Variants in ABCC9 observed in about 807,000 individuals in gnomAD.
ABCC9 encodes the protein ATP-binding cassette sub-family C member 9.
Under a neutral mutation model 188.3 loss-of-function variants are expected in ABCC9, and 95 were observed. The ratio of observed to expected loss-of-function variants is 0.50; its 90% CI spans 0.43 to 0.60. The LOEUF (loss-of-function observed/expected upper bound fraction) is 0.60. Among genes scored for constraint, ABCC9 ranks in the 20% least tolerant of loss-of-function variants. The pLI is 0.00. For synonymous variants in ABCC9, 659 were observed against 652.7 expected, an observed-to-expected ratio of 1.01 and a Z score of -0.15; for missense variants, 1,102 against 1,876.3, an observed-to-expected ratio of 0.59 and a Z score of 7.62.
intron 9 of ABCC9, among the ~76,000 whole-genome samples, 158 bp downstream of exon 9, chr12:21,910,668 G>T (rs1249066806): frequency 6.6e-6 from 1 of 151,812 alleles, no homozygotes; most frequent in Admixed American, 6.6e-5. Flanking sequence ...TTATTAATTA[G>T]CTCTGTTTCT....
At chr12:21,924,948 T>C (rs1223904961) in intron 5 of ABCC9, 1 of 152,192 alleles carries the variant, frequency 6.6e-6, no homozygotes, top group Non-Finnish European at 1.5e-5. Flanking sequence ...AATTAAATAA[T>C]CAATATCTTT....
At chr12:21,889,139 G>A (rs1947021879) in intron 14 of ABCC9, among the ~76,000 whole-genome samples, 1 of 152,150 alleles carries the variant, frequency 6.6e-6, no homozygotes, top group South Asian at 2.1e-4. Context: ...ATCTTTAAGT[G>A]TTTTGGCTTT....
intron 28 of ABCC9, among the ~76,000 whole-genome samples, chr12:21,843,513 G>A (rs1033168111): frequency 3.3e-5 from 5 of 152,144 alleles, no homozygotes; most frequent in Middle Eastern, 3.4e-3. Flanking sequence ...GTTTATTTCT[G>A]TTTTTATAGG....
intron 5 of ABCC9, chr12:21,924,417 C>T (rs913081279): frequency 1.3e-5 from 2 of 152,152 alleles, no homozygotes; most frequent in African/African-American, 2.4e-5. Flanking sequence ...ATGATTCTTT[C>T]AACTTTCTGT....
intron 12 of ABCC9, among the ~76,000 whole-genome samples, chr12:21,900,079 C>G (rs1592182779): frequency 6.6e-6 from 1 of 152,200 alleles, no homozygotes; most frequent in East Asian, 1.9e-4. Context: ...AGACTGACAC[C>G]TCACACGGCC....
intron 29 of ABCC9, among the ~76,000 whole-genome samples, chr12:21,842,006 C>T (rs936813236): frequency 1.3e-5 from 2 of 152,148 alleles, no homozygotes; most frequent in Admixed American, 1.3e-4. Flanking sequence ...CCAAAATCTG[C>T]AGATGCTCAA....
intron 25 of ABCC9, among the ~76,000 whole-genome samples, chr12:21,847,237 A>C (rs927932988): frequency 2.0e-5 from 3 of 152,152 alleles, no homozygotes; most frequent in Non-Finnish European, 4.4e-5. Flanking sequence ...AATTGGGTAC[A>C]ACTCCACTCT....
intron 16 of ABCC9, among the ~76,000 whole-genome samples, chr12:21,879,120 C>T (rs913351484): frequency 1.3e-5 from 2 of 152,200 alleles, no homozygotes; most frequent in Non-Finnish European, 2.9e-5. Flanking sequence ...CAATGGTGCA[C>T]TTAGCAGAAG....
intron 12 of ABCC9, among the ~76,000 whole-genome samples, chr12:21,902,587 C>G (rs867444720): frequency 1.3e-5 from 2 of 151,936 alleles, no homozygotes; most frequent in Non-Finnish European, 2.9e-5. Context: ...ATCAAATAGA[C>G]GCAAAAATAA....
intron 5 of ABCC9, among the ~76,000 whole-genome samples, chr12:21,920,953 T>G (rs539833628): frequency 6.6e-6 from 1 of 152,082 alleles, no homozygotes; most frequent in Admixed American, 6.6e-5. Flanking sequence ...TATCACAGTT[T>G]CTTTATCCAT....
intron 12 of ABCC9, among the ~76,000 whole-genome samples, chr12:21,902,297 A>C (rs972552326): frequency 2.6e-5 from 4 of 152,230 alleles, no homozygotes; most frequent in African/African-American, 9.6e-5. Flanking sequence ...CATTTAAAGC[A>C]GTGTGTAGAG....
At chr12:21,875,149 A>G (rs1946278105) in intron 17 of ABCC9, among the ~76,000 whole-genome samples, 1 of 142,540 alleles carries the variant, frequency 7.0e-6, no homozygotes, top group Non-Finnish European at 1.5e-5. Flanking sequence ...TATTGTGGTG[A>G]TGGTTTTCAC....
At position 21,797,925 on chromosome 12, in the gene ABCC9, T is replaced by G. The variant is rs1258773039; in HGVS notation, c.*3119A>C. On this transcript the variant is annotated 3_prime_UTR_variant, in exon 40 of 40. Coordinates refer to ENST00000261200, the MANE Select transcript of ABCC9 (RefSeq NM_020297.4). ...AAAATTTATAAATGTAAAATCTGAT[T>G]TAGTTAAGGTGGTCATCTTTTACAG... 6.6e-6 allele frequency: 1 copy of G among 152,188 alleles called. No individual in the cohort carries two copies. Among genetic ancestry groups the G allele is most frequent in the Non-Finnish European group, 1.5e-5 (1 of 68,030 alleles). 9.4% of individuals were successfully genotyped at this position (152,188 alleles called of 1,614,324 possible). A position where few individuals can be genotyped will look rare whatever the true frequency, so the allele number is the denominator to read the frequency against.
intron 8 of ABCC9, among the ~76,000 whole-genome samples, chr12:21,911,895 A>ATTTCCATAATAAT (rs143730509): frequency 6.6e-6 from 1 of 151,958 alleles, no homozygotes; most frequent in African/African-American, 2.4e-5. Flanking sequence ...TATCTGGTTC[A>ATTTCCATAATAAT]TGAACACTAA....
At chr12:21,904,870 G>A (rs1159982471) in intron 12 of ABCC9, among the ~76,000 whole-genome samples, 2 of 152,224 alleles carry the variant, frequency 1.3e-5, no homozygotes, top group African/African-American at 4.8e-5. Context: ...AGACAGTGTG[G>A]TGATTCCTCA....
chr12:21,837,393 G>C (rs1357992339), intron 30 of ABCC9, among the ~76,000 whole-genome samples: 1 of 152,008 alleles, frequency 6.6e-6, no homozygotes, highest in African/African-American at 2.4e-5. Context: ...AAAATCTCTG[G>C]TTAAAATCTA....
rs777236263 is a variant in ABCC9, at chr12:21,940,972, G to C, written c.-136-147C>G. 7 of 152,110 alleles carry C rather than the reference G, an allele frequency of 4.6e-5. No homozygotes were observed. The East Asian group carries it at 1.2e-3, about 25-fold the overall frequency. The allele number at this position is 152,110 out of a possible 1,614,324, so 9.4% of individuals were successfully genotyped here. A position where few individuals can be genotyped will look rare whatever the true frequency, so the allele number is the denominator to read the frequency against. On this transcript the variant is annotated intron_variant, in intron 1 of 39. Coordinates refer to ENST00000261200, the MANE Select transcript of ABCC9 (RefSeq NM_020297.4). ...TTTCCAGTTGATTTGAGTAGGAGAC[G>C]GCAGTTTTGAAGTAAAACTGGAAAC...
At chr12:21,866,749 G>A (rs1009734207) in intron 18 of ABCC9, among the ~76,000 whole-genome samples, 2 of 152,184 alleles carry the variant, frequency 1.3e-5, no homozygotes, top group African/African-American at 4.8e-5. Context: ...GTAGGACTGA[G>A]GACAAATTAT....
chr12:21,903,722 A>G (rs1565467046), intron 12 of ABCC9, among the ~76,000 whole-genome samples: 1 of 152,244 alleles, frequency 6.6e-6, no homozygotes. Context: ...ACAACCTACA[A>G]GGGATATGAA....
Sources: allele counts gnomAD v4.1 joint callset (sites outside exome capture counted in the v4.1 genomes callset), GRCh38; gene constraint gnomAD v4.1.1; transcripts MANE v1.5; gene names NCBI Gene and HGNC (gene_info 2026-07-23, HGNC 2026-07-21).